The following CAMK1D variants were observed in gnomAD, a reference collection of about 807,000 sequenced individuals.
CAMK1D encodes calcium/calmodulin-dependent protein kinase type 1D.
A neutral mutation model predicts 47.7 loss-of-function variants in CAMK1D; 9 were observed. The ratio of observed to expected loss-of-function variants is 0.19; its 90% confidence interval spans 0.11 to 0.33. The LOEUF is 0.33. CAMK1D is among the 10% of genes least tolerant of loss of function. The pLI, the probability that CAMK1D is intolerant of heterozygous loss-of-function variation, is 1.00. For missense variants in CAMK1D, 291 were observed against 488.7 expected, an observed-to-expected ratio of 0.60 and a Z score of 3.81; for synonymous variants, 184 against 184.9, an observed-to-expected ratio of 0.99 and a Z score of 0.04.
At chr10:12,670,106 A>G (rs1445833409) in intron 3 of CAMK1D, among the ~76,000 whole-genome samples, 1 of 147,506 alleles carries the variant, frequency 6.8e-6, no homozygotes, top group Non-Finnish European at 1.5e-5. Context: ...ACAGTTTTCC[A>G]AAGTGGTTGT....
At chr10:12,666,600 A>G (rs1476366886) in intron 2 of CAMK1D, 136 bp from the exon 3 acceptor site, 9 of 683,742 alleles carry the variant, frequency 1.3e-5, no homozygotes, top group African/African-American at 1.8e-5. Context: ...TCTGGGGACA[A>G]CATTGTGAAG....
chr10:12,706,725 AGTAAGACCCT>A (rs1322066108), intron 3 of CAMK1D, among the ~76,000 whole-genome samples: 1 of 151,408 alleles, frequency 6.6e-6, no homozygotes, highest in Non-Finnish European at 1.5e-5. Flanking sequence ...TGGGCAACAG[AGTAAGACCCT>A]GTCTCCAAAA....
At chr10:12,602,296 C>T (rs1218027243) in intron 2 of CAMK1D, among the ~76,000 whole-genome samples, 2 of 152,102 alleles carry the variant, frequency 1.3e-5, no homozygotes, top group African/African-American at 4.8e-5. Context: ...AAACTCCTGG[C>T]CTCAAGTGAT....
intron 3 of CAMK1D, among the ~76,000 whole-genome samples, chr10:12,734,586 A>G (rs2399842): frequency 0.89 from 131,370 of 147,340 alleles, 60,125 homozygotes; most frequent in Non-Finnish European, 0.99. Flanking sequence ...ATATATATAG[A>G]CACAAACCTC....
At chr10:12,380,659 A>T (rs1838313761) in intron 1 of CAMK1D, among the ~76,000 whole-genome samples, 1 of 152,186 alleles carries the variant, frequency 6.6e-6, no homozygotes, top group Admixed American at 6.5e-5. Context: ...GATCGAGACC[A>T]TCCTGGCTAA....
chr10:12,821,000 G>A (rs1273500703), intron 8 of CAMK1D, among the ~76,000 whole-genome samples: 2 of 152,226 alleles, frequency 1.3e-5, no homozygotes, highest in Non-Finnish European at 2.9e-5. Context: ...GTGATAAGAA[G>A]AGACGCTGAG....
chr10:12,352,296 A>G (rs1174308801), intron 1 of CAMK1D, among the ~76,000 whole-genome samples: 1 of 152,198 alleles, frequency 6.6e-6, no homozygotes, highest in Non-Finnish European at 1.5e-5. Context: ...TTGGAACGCG[A>G]ACTTTAATAT....
At chr10:12,650,077 A>T (rs560012283) in intron 2 of CAMK1D, among the ~76,000 whole-genome samples, 2 of 152,364 alleles carry the variant, frequency 1.3e-5, no homozygotes, top group East Asian at 3.9e-4. Flanking sequence ...TAAAACCCGC[A>T]CAGGTGACCT....
chr10:12,728,456 A>G (rs1042726195), intron 3 of CAMK1D, among the ~76,000 whole-genome samples: 5 of 152,226 alleles, frequency 3.3e-5, no homozygotes, highest in African/African-American at 9.7e-5. Flanking sequence ...TACAGGGCCA[A>G]AGTAACCCGT....
chr10:12,830,267 A>T lies in CAMK1D; in HGVS notation c.*1380A>T, dbSNP rs1833394947. The T allele has an allele frequency of 6.6e-6, 1 of 152,156 alleles. No homozygotes were observed. The highest frequency in any genetic ancestry group is 2.1e-4 in the South Asian group (1 of 4,822). The allele number at this position is 152,156 out of a possible 1,614,324, so 9.4% of individuals were successfully genotyped here. A position where few individuals can be genotyped will look rare whatever the true frequency, so the allele number is the denominator to read the frequency against. On this transcript the variant is annotated 3_prime_UTR_variant, in exon 11 of 11. Coordinates refer to ENST00000619168, the MANE Select transcript of CAMK1D (RefSeq NM_153498.4). ...CACAAAGTTCTTTCTCCACATTTTT[A>T]CCCTCTTCTCACATGAATGTTTTCC...
chr10:12,825,732 AG>A, intron 10 of CAMK1D, 42 bp downstream of exon 10: 1 of 1,613,556 alleles, frequency 6.2e-7, no homozygotes, highest in Non-Finnish European at 8.5e-7. Context: ...CTGACACTGA[AG>A]ACGAGCCTGG....
intron 1 of CAMK1D, among the ~76,000 whole-genome samples, chr10:12,492,433 G>A (rs942086528): frequency 6.6e-6 from 1 of 151,998 alleles, no homozygotes; most frequent in African/African-American, 2.4e-5. Context: ...TGATGTGGGA[G>A]GATCGCTTGA....
intron 1 of CAMK1D, among the ~76,000 whole-genome samples, chr10:12,433,951 T>C (rs1401006814): frequency 6.6e-6 from 1 of 152,208 alleles, no homozygotes; most frequent in Non-Finnish European, 1.5e-5. Flanking sequence ...TCCTCTGAAG[T>C]GGTACTGGCC....
At chr10:12,811,593 A>T (rs1290972675) in intron 6 of CAMK1D, among the ~76,000 whole-genome samples, 3 of 152,256 alleles carry the variant, frequency 2.0e-5, no homozygotes, top group Non-Finnish European at 4.4e-5. Flanking sequence ...CACGGAAAGA[A>T]AAAAGAGCTA....
At chr10:12,571,453 CAAAAAAAAA>C (rs766454210) in intron 2 of CAMK1D, among the ~76,000 whole-genome samples, 4 of 89,754 alleles carry the variant, frequency 4.5e-5, no homozygotes, top group South Asian at 4.3e-4. Flanking sequence ...GACTCCATCA[CAAAAAAAAA>C]AAAAAAAAAG....
chr10:12,755,199 A>G (rs1836173370), intron 3 of CAMK1D, among the ~76,000 whole-genome samples: 1 of 152,210 alleles, frequency 6.6e-6, no homozygotes, highest in South Asian at 2.1e-4. Context: ...CATGAAATGA[A>G]AACTTAATCT....
At chr10:12,827,852 C>T (rs80218770) in intron 10 of CAMK1D, among the ~76,000 whole-genome samples, 6,172 of 152,106 alleles carry the variant, frequency 0.041, 192 homozygotes, top group South Asian at 0.079. Flanking sequence ...CCGTGCGCAG[C>T]TAATTTTTGT....
At chr10:12,508,200 T>C (rs184134662) in intron 1 of CAMK1D, among the ~76,000 whole-genome samples, 414 of 152,352 alleles carry the variant, frequency 2.7e-3, no homozygotes, top group Non-Finnish European at 4.8e-3. Flanking sequence ...GCTGAATCTT[T>C]CTGGAAGTAA....
At chr10:12,463,023 A>C (rs1833483159) in intron 1 of CAMK1D, among the ~76,000 whole-genome samples, 1 of 152,238 alleles carries the variant, frequency 6.6e-6, no homozygotes, top group African/African-American at 2.4e-5. Flanking sequence ...ATCTTTTGTC[A>C]AAATTCTGTT....
Sources: allele counts gnomAD v4.1 joint callset (sites outside exome capture counted in the v4.1 genomes callset), GRCh38; gene constraint gnomAD v4.1.1; transcripts MANE v1.5; gene names NCBI Gene and HGNC (gene_info 2026-07-23, HGNC 2026-07-21).